CAB39L: variants seen among roughly 807,000 people sequenced by gnomAD.
CAB39L encodes calcium-binding protein 39-like.
In CAB39L, 23 loss-of-function variants were observed where a neutral mutation model predicts 39.1. The observed-to-expected ratio is 0.59, with a 90% CI of 0.42 to 0.83. The LOEUF (loss-of-function observed/expected upper bound fraction) is 0.83, where lower values mean the gene tolerates loss of function less well. Among genes scored for constraint, CAB39L ranks in the 40% least tolerant of loss-of-function variants. The pLI is 0.00. For synonymous variants in CAB39L, 126 were observed against 137.2 expected, an observed-to-expected ratio of 0.92 and a Z score of 0.57; for missense variants, 366 against 391.9, an observed-to-expected ratio of 0.93 and a Z score of 0.56.
intron 5 of CAB39L, among the ~76,000 whole-genome samples, chr13:49,374,783 C>T (rs888461631): frequency 1.3e-5 from 2 of 152,198 alleles, no homozygotes; most frequent in Non-Finnish European, 2.9e-5. Flanking sequence ...GACATCTCAT[C>T]CCTGACTCAT....
chr13:49,391,869 A>C lies in CAB39L; in HGVS notation c.-31-8928T>G, dbSNP rs1956494850. Among the ~76,000 whole-genome samples the C allele has an allele frequency of 3.9e-5, 6 of 152,210 alleles. No homozygotes were observed. The South Asian group carries it at 1.2e-3, about 32-fold the overall frequency. ...AAAACAATATAGAAGGAATAAGAGC[A>C]ACCAATAATTACAATACATACAAAT... On this transcript the variant is annotated intron_variant, in intron 3 of 10. Transcript: ENST00000409308.
chr13:49,377,814 C>A (rs1392147788), intron 4 of CAB39L, among the ~76,000 whole-genome samples: 1 of 95,346 alleles, frequency 1.0e-5, no homozygotes, highest in Non-Finnish European at 2.1e-5. Context: ...CGGCCGCCAC[C>A]CCGTCTGGGA....
At chr13:49,361,477 C>CAAAAA (rs33984866) in intron 5 of CAB39L, among the ~76,000 whole-genome samples, 107 of 54,410 alleles carry the variant, frequency 2.0e-3, no homozygotes, top group African/African-American at 2.6e-3. Context: ...GACTTCATCT[C>CAAAAA]AAAAAAAAAA....
chr13:49,382,696 G>GCA lies in CAB39L; in HGVS notation c.111+102_111+103dup, dbSNP rs1460459427. On this transcript the variant is annotated intron_variant, in intron 4 of 10. Coordinates refer to ENST00000409308, the MANE Select transcript of CAB39L (RefSeq NM_001079670.3). ...AAATCTATTTATAGAGGGTCTATGTGCACATCACAGACCATATTTTGAATT... is the reference window on the plus strand; with the variant it reads ...AAATCTATTTATAGAGGGTCTATGTGCACACATCACAGACCATATTTTGAATT... 1.5e-5 allele frequency: 11 copies of GCA among 714,666 alleles called. No homozygotes were observed. In the African/African-American group the frequency reaches 1.6e-4, roughly 10 times the overall value. The allele number at this position is 714,666 out of a possible 1,614,324, so 44.3% of individuals were successfully genotyped here. A position where few individuals can be genotyped will look rare whatever the true frequency, so the allele number is the denominator to read the frequency against.
At chr13:49,337,218 T>A (rs887854005) in intron 9 of CAB39L, among the ~76,000 whole-genome samples, 2 of 152,228 alleles carry the variant, frequency 1.3e-5, no homozygotes, top group Non-Finnish European at 2.9e-5. Context: ...GCCATCATCT[T>A]GACATGTAAA....
intron 3 of CAB39L, among the ~76,000 whole-genome samples, chr13:49,388,671 GAA>G (rs1956420048): frequency 6.6e-6 from 1 of 152,140 alleles, no homozygotes; most frequent in African/African-American, 2.4e-5. Context: ...AATAGTTCTT[GAA>G]AAGGAGCCTG....
intron 3 of CAB39L, among the ~76,000 whole-genome samples, chr13:49,409,123 C>T (rs1026453062): frequency 3.3e-5 from 5 of 152,080 alleles, no homozygotes; most frequent in Non-Finnish European, 7.4e-5. Flanking sequence ...GTCAGCGAGA[C>T]AAAAGACAGG....
intron 5 of CAB39L, among the ~76,000 whole-genome samples, chr13:49,371,075 A>G (rs945780259): frequency 6.6e-6 from 1 of 152,222 alleles, no homozygotes; most frequent in African/African-American, 2.4e-5. Flanking sequence ...CAAATTGTTA[A>G]ATGTATAATG....
At chr13:49,323,273 C>T (rs1954404871) in intron 10 of CAB39L, among the ~76,000 whole-genome samples, 2 of 152,212 alleles carry the variant, frequency 1.3e-5, no homozygotes, top group African/African-American at 4.8e-5. Context: ...TGGCTTTGTG[C>T]ATCAGGGGCC....
intron 7 of CAB39L, among the ~76,000 whole-genome samples, chr13:49,346,170 C>T (rs1955169884): frequency 8.4e-6 from 1 of 119,704 alleles, no homozygotes; most frequent in Non-Finnish European, 1.7e-5. Flanking sequence ...TCTCTCACGC[C>T]CACATTTCCA....
At chr13:49,442,817 A>AAAAAAAAAAAT (rs1957561669) in intron 1 of CAB39L, among the ~76,000 whole-genome samples, 1 of 147,682 alleles carries the variant, frequency 6.8e-6, no homozygotes, top group African/African-American at 2.6e-5. Context: ...AAAAAAAAAA[A>AAAAAAAAAAAT]AACATCAATT....
In CAB39L at chr13:49,332,118, T is replaced by C. The variant is rs774081978; in HGVS notation, c.691-28A>G. 5 of 1,607,070 alleles carry C rather than the reference T, an allele frequency of 3.1e-6. No individual in the cohort carries two copies. The Admixed American group carries it at 5.0e-5, about 16-fold the overall frequency. The stretch of plus-strand genomic sequence containing the variant: ...AGAGGAAAACACAAAACCAAAGCTG[T>C]AATCTCAGAGCCACCTGATTCAAAA... On this transcript the variant is annotated intron_variant, in intron 9 of 10. Coordinates refer to ENST00000409308, the MANE Select transcript of CAB39L (RefSeq NM_001079670.3).
chr13:49,441,096 G>T (rs2138758775), intron 1 of CAB39L, among the ~76,000 whole-genome samples: 1 of 151,302 alleles, frequency 6.6e-6, no homozygotes, highest in South Asian at 2.1e-4. Context: ...AATTCTCTTA[G>T]CTTACTCTGA....
At chr13:49,356,653 T>G (rs1955493366) in intron 6 of CAB39L, among the ~76,000 whole-genome samples, 1 of 152,214 alleles carries the variant, frequency 6.6e-6, no homozygotes, top group Non-Finnish European at 1.5e-5. Context: ...TTGTTTGATG[T>G]GTAAATGTAC....
intron 3 of CAB39L, among the ~76,000 whole-genome samples, chr13:49,415,371 A>G (rs1957066766): frequency 6.7e-6 from 1 of 148,974 alleles, no homozygotes; most frequent in Non-Finnish European, 1.5e-5. Flanking sequence ...AAATACAAAA[A>G]TTAGCGGGGT....
chr13:49,370,846 T>G (rs972874839), intron 5 of CAB39L, among the ~76,000 whole-genome samples: 1 of 152,182 alleles, frequency 6.6e-6, no homozygotes. Context: ...TATTCCTTTA[T>G]AGGATAAAGG....
At chr13:49,323,518 C>T (rs1056798192) in intron 10 of CAB39L, among the ~76,000 whole-genome samples, 9 of 152,322 alleles carry the variant, frequency 5.9e-5, no homozygotes, top group East Asian at 3.9e-4. Flanking sequence ...TGAGCACACA[C>T]GCTGCTGACC....
At chr13:49,419,378 T>G (rs1470312070) in intron 3 of CAB39L, among the ~76,000 whole-genome samples, 2 of 152,130 alleles carry the variant, frequency 1.3e-5, no homozygotes, top group Non-Finnish European at 2.9e-5. Context: ...AAATATGAAA[T>G]TCCAGCCTGA....
At chr13:49,418,936 C>T (rs1288753050) in intron 3 of CAB39L, among the ~76,000 whole-genome samples, 1 of 152,090 alleles carries the variant, frequency 6.6e-6, no homozygotes, top group African/African-American at 2.4e-5. Flanking sequence ...TGAAAAGAAC[C>T]TTATGTTTTT....
Sources: gnomAD v4.1 joint callset for allele counts (sites outside exome capture counted in the v4.1 genomes callset) on GRCh38, gnomAD v4.1.1 for gene constraint, MANE v1.5 for transcripts, NCBI Gene and HGNC (gene_info 2026-07-23, HGNC 2026-07-21) for gene names.